The following UBE2F variants were observed in gnomAD, a reference collection of about 807,000 sequenced individuals.
UBE2F encodes ubiquitin conjugating enzyme E2 F (putative), also known as NEDD8-conjugating enzyme UBE2F.
A neutral mutation model predicts 29.6 loss-of-function variants in UBE2F; 5 were observed. That is an observed-to-expected ratio of 0.17 (90% confidence interval 0.09 to 0.36). The LOEUF is 0.36. UBE2F is among the 10% of genes least tolerant of loss of function. The pLI, the probability that UBE2F is intolerant of heterozygous loss-of-function variation, is 1.00. For missense variants in UBE2F, 141 were observed against 228.5 expected (o/e 0.62, Z 2.47); for synonymous variants, 66 against 81.8 (o/e 0.81, Z 1.04).
At chr2:238,019,654 C>CTTTTTTTTTTTTTT (rs375103007) in intron 5 of UBE2F, among the ~76,000 whole-genome samples, 1 of 78,012 alleles carries the variant, frequency 1.3e-5, no homozygotes, top group Non-Finnish European at 2.2e-5. Context: ...TGTGCTCAGC[C>CTTTTTTTTTTTTTT]TTTTTTTTTT....
At chr2:237,994,890 T>G in intron 4 of UBE2F, 81 bp downstream of exon 4, 1 of 1,128,606 alleles carries the variant, frequency 8.9e-7, no homozygotes, top group African/African-American at 1.5e-5. Flanking sequence ...TTTGCTTTGG[T>G]TTGTCCTCTA....
At chr2:237,968,982 C>T (rs2063116521) in intron 1 of UBE2F, 10 of 352,794 alleles carry the variant, frequency 2.8e-5, no homozygotes, top group Non-Finnish European at 4.0e-5. Context: ...TTTAATTTTA[C>T]AGCTATGGCA....
In UBE2F at chr2:238,032,268, T is replaced by C. The variant is rs1223803152; in HGVS notation, c.444+14T>C. The C allele has an allele frequency of 1.2e-6, 2 of 1,603,864 alleles. No individual in the cohort carries two copies. Among genetic ancestry groups the C allele is most frequent in the Admixed American group, 1.7e-5 (1 of 59,518 alleles). The stretch of plus-strand genomic sequence containing the variant: ...TCTTTGTTTACTGTAAGTACAGTGA[T>C]CAAAATCCCAAGTTATTCTCAATTT... On this transcript the variant is annotated intron_variant, in intron 8 of 9. Transcript: ENST00000272930.
At chr2:237,996,348 T>C (rs1315827239) in intron 4 of UBE2F, among the ~76,000 whole-genome samples, 2 of 152,202 alleles carry the variant, frequency 1.3e-5, no homozygotes, top group African/African-American at 4.8e-5. Context: ...GCTCTGCCCA[T>C]CCCAAGCATG....
At chr2:237,968,943 T>C in intron 1 of UBE2F, 7 of 588,276 alleles carry the variant, frequency 1.2e-5, no homozygotes, top group Non-Finnish European at 1.5e-5. Flanking sequence ...TTTGAAGACT[T>C]ACTTTTTGAT....
intron 4 of UBE2F, among the ~76,000 whole-genome samples, chr2:238,015,940 C>T (rs2064142714): frequency 6.6e-6 from 1 of 152,086 alleles, no homozygotes; most frequent in African/African-American, 2.4e-5. Flanking sequence ...TGGGGGTACA[C>T]AGCATGTGGA....
At chr2:238,024,481 G>A (rs1349376791) in intron 5 of UBE2F, among the ~76,000 whole-genome samples, 1 of 152,076 alleles carries the variant, frequency 6.6e-6, no homozygotes, top group Non-Finnish European at 1.5e-5. Flanking sequence ...GAGTAGCTGG[G>A]ACTACAAGCA....
At chr2:238,023,891 TC>T (rs2064352044) in intron 5 of UBE2F, among the ~76,000 whole-genome samples, 1 of 152,134 alleles carries the variant, frequency 6.6e-6, no homozygotes, top group African/African-American at 2.4e-5. Context: ...CAGATCCTCT[TC>T]CTGGGCTTCA....
intron 4 of UBE2F, among the ~76,000 whole-genome samples, chr2:237,995,011 C>T (rs531157891): frequency 6.2e-4 from 95 of 152,334 alleles, no homozygotes; most frequent in Middle Eastern, 3.4e-3. Flanking sequence ...TCAGTGTACA[C>T]TCTCAATAAT....
intron 4 of UBE2F, among the ~76,000 whole-genome samples, chr2:238,009,741 C>G (rs1011959831): frequency 6.6e-6 from 1 of 152,240 alleles, no homozygotes; most frequent in Non-Finnish European, 1.5e-5. Context: ...TCTCCACCAT[C>G]TGTCTCTGTC....
At chr2:238,014,550 G>GA (rs1244131598) in intron 4 of UBE2F, among the ~76,000 whole-genome samples, 3 of 152,206 alleles carry the variant, frequency 2.0e-5, no homozygotes, top group Non-Finnish European at 2.9e-5. Context: ...GCCAACTAGA[G>GA]AAAAAATATA....
chr2:238,032,545 G>A, intron 8 of UBE2F: 1 of 321,588 alleles, frequency 3.1e-6, no homozygotes, highest in East Asian at 6.2e-5. Flanking sequence ...AGCCCAGGAG[G>A]CAGAGGTTGC....
intron 6 of UBE2F, among the ~76,000 whole-genome samples, chr2:238,029,577 CAG>C (rs1353085744): frequency 3.1e-5 from 4 of 131,002 alleles, no homozygotes; most frequent in African/African-American, 1.2e-4. Flanking sequence ...GCCTGGGAGA[CAG>C]AGAGAGACTC....
intron 8 of UBE2F, 113 bp downstream of exon 8, chr2:238,032,367 A>G: frequency 4.1e-6 from 4 of 963,958 alleles, no homozygotes; most frequent in Non-Finnish European, 6.5e-6. Context: ...TGAAACATGG[A>G]CTGGGCACAG....
At chr2:238,032,512 G>T (rs1280759571) in intron 8 of UBE2F, 3 of 380,126 alleles carry the variant, frequency 7.9e-6, no homozygotes, top group Non-Finnish European at 9.6e-6. Flanking sequence ...CTGCTTGGAA[G>T]GCTGAGGTGG....
Position 238,029,405 on chromosome 2 carries a change from G to A in UBE2F, c.354-1151G>A, listed in dbSNP as rs951587048. 7.9e-5 allele frequency among the ~76,000 whole-genome samples: 12 copies of A among 152,104 alleles called. No homozygotes were observed. In the South Asian group the frequency reaches 2.3e-3, roughly 29 times the overall value. ...AGATCGAGACCATCCTGGTTAACAC[G>A]GTGAAACCCCGTCTCTACTAAAAAT... On this transcript the variant is annotated intron_variant, in intron 6 of 9. Transcript: ENST00000272930.
intron 2 of UBE2F, among the ~76,000 whole-genome samples, chr2:237,986,875 T>C (rs2063490770): frequency 6.6e-6 from 1 of 152,236 alleles, no homozygotes; most frequent in Admixed American, 6.5e-5. Context: ...GTGTCTGTTT[T>C]TAAGCCAGTA....
intron 9 of UBE2F, 42 bp from the exon 10 acceptor site, chr2:238,041,246 C>A: frequency 6.3e-7 from 1 of 1,596,780 alleles, no homozygotes; most frequent in Non-Finnish European, 8.6e-7. Context: ...CTCACTCACT[C>A]CTCCTGTTCT....
At chr2:238,001,185 C>T (rs2063786271) in intron 4 of UBE2F, among the ~76,000 whole-genome samples, 1 of 152,092 alleles carries the variant, frequency 6.6e-6, no homozygotes, top group South Asian at 2.1e-4. Flanking sequence ...AGGCATGTGC[C>T]ACCACGCCCG....
Sources: gnomAD v4.1 joint callset for allele counts (sites outside exome capture counted in the v4.1 genomes callset) on GRCh38, gnomAD v4.1.1 for gene constraint, MANE v1.5 for transcripts, NCBI Gene and HGNC (gene_info 2026-07-23, HGNC 2026-07-21) for gene names.